Variants in MAD1L1 observed in about 807,000 individuals in gnomAD.
The protein encoded by MAD1L1 is mitotic arrest deficient 1 like 1.
Under a neutral mutation model 96.9 loss-of-function variants are expected in MAD1L1, and 95 were observed. The ratio of observed to expected loss-of-function variants is 0.98; its 90% CI spans 0.83 to 1.16. The LOEUF (loss-of-function observed/expected upper bound fraction) is 1.16, where lower values mean the gene tolerates loss of function less well. Among genes scored for constraint, MAD1L1 ranks in the 50% most tolerant of loss-of-function variants. The pLI, the probability that MAD1L1 is intolerant of heterozygous loss-of-function variation, is 0.00. For missense variants in MAD1L1, 1,007 were observed against 954.4 expected (o/e 1.06, Z -0.73); for synonymous variants, 473 against 396.6 (o/e 1.19, Z -2.29).
intron 10 of MAD1L1, among the ~76,000 whole-genome samples, chr7:2,182,626 C>T (rs1791254778): frequency 6.6e-6 from 1 of 152,162 alleles, no homozygotes; most frequent in African/African-American, 2.4e-5. Context: ...TGACCACGTG[C>T]CATGTGGTGG....
intron 18 of MAD1L1, among the ~76,000 whole-genome samples, chr7:1,868,612 C>G (rs929904654): frequency 6.6e-6 from 1 of 152,180 alleles, no homozygotes; most frequent in East Asian, 1.9e-4. Context: ...ATTTCTCCAG[C>G]GCGTCATGCG....
intron 16 of MAD1L1, 128 bp downstream of exon 16, chr7:1,957,501 G>A: frequency 4.4e-6 from 4 of 903,606 alleles, no homozygotes; most frequent in Non-Finnish European, 6.8e-6. Context: ...CACATGGGAG[G>A]GAGGAGAGTT....
chr7:2,097,791 G>A (rs1241076894), intron 11 of MAD1L1, among the ~76,000 whole-genome samples: 1 of 152,220 alleles, frequency 6.6e-6, no homozygotes, highest in Non-Finnish European at 1.5e-5. Flanking sequence ...GAGGCCTTGA[G>A]GCTGCAGAGG....
intron 17 of MAD1L1, among the ~76,000 whole-genome samples, chr7:1,922,980 T>A (rs1245936727): frequency 2.0e-5 from 3 of 152,220 alleles, no homozygotes; most frequent in African/African-American, 7.2e-5. Context: ...CCCGCAGTGT[T>A]CTTCAGTTTT....
chr7:2,093,420 G>A (rs373701550), intron 11 of MAD1L1, among the ~76,000 whole-genome samples: 2 of 152,150 alleles, frequency 1.3e-5, no homozygotes, highest in Non-Finnish European at 2.9e-5. Flanking sequence ...CATGTTCCAT[G>A]TATATAAAAA....
At chr7:1,908,949 C>A (rs1787845864) in intron 17 of MAD1L1, among the ~76,000 whole-genome samples, 1 of 152,200 alleles carries the variant, frequency 6.6e-6, no homozygotes, top group African/African-American at 2.4e-5. Flanking sequence ...CCCAGGGGGT[C>A]CTGCTGGACT....
At chr7:2,091,975 A>C (rs200645634) in intron 11 of MAD1L1, among the ~76,000 whole-genome samples, 1 of 152,334 alleles carries the variant, frequency 6.6e-6, no homozygotes, top group Non-Finnish European at 1.5e-5. Flanking sequence ...CTGTGTGGAC[A>C]CAATTTTCAA....
chr7:2,007,139 A>T (rs1782066728), intron 13 of MAD1L1, among the ~76,000 whole-genome samples: 1 of 152,162 alleles, frequency 6.6e-6, no homozygotes, highest in African/African-American at 2.4e-5. Context: ...AGGGACCTGA[A>T]CAGACGCCAC....
At chr7:1,890,649 C>G (rs1195324826) in intron 18 of MAD1L1, among the ~76,000 whole-genome samples, 1 of 152,216 alleles carries the variant, frequency 6.6e-6, no homozygotes, top group Non-Finnish European at 1.5e-5. Context: ...TCCACGGAGG[C>G]CCAGGCTGTG....
At chr7:2,132,380 C>T (rs927065135) in intron 11 of MAD1L1, among the ~76,000 whole-genome samples, 1 of 148,932 alleles carries the variant, frequency 6.7e-6, no homozygotes, top group Non-Finnish European at 1.5e-5. Flanking sequence ...CCTGTGCGAC[C>T]GCGCGTCCAC....
intron 12 of MAD1L1, among the ~76,000 whole-genome samples, chr7:2,067,684 G>A (rs1056830162): frequency 3.3e-5 from 5 of 152,230 alleles, no homozygotes; most frequent in Non-Finnish European, 5.9e-5. Context: ...GTCTCCTCCC[G>A]CTCCAGGCCT....
chr7:2,085,047 G>A (rs1785839985), intron 11 of MAD1L1, among the ~76,000 whole-genome samples: 1 of 152,162 alleles, frequency 6.6e-6, no homozygotes, highest in South Asian at 2.1e-4. Flanking sequence ...ACATCAGAGA[G>A]CCTGCTAAAG....
intron 10 of MAD1L1, among the ~76,000 whole-genome samples, chr7:2,173,089 G>A (rs1790785968): frequency 6.6e-6 from 1 of 152,230 alleles, no homozygotes; most frequent in Non-Finnish European, 1.5e-5. Flanking sequence ...GTTATGGCAA[G>A]CAGCCATCCC....
intron 11 of MAD1L1, among the ~76,000 whole-genome samples, chr7:2,096,747 C>A (rs1040443416): frequency 6.6e-6 from 1 of 152,184 alleles, no homozygotes; most frequent in Non-Finnish European, 1.5e-5. Flanking sequence ...GAGGCCCAGC[C>A]ACAGACATAA....
chr7:2,221,124 C>T (rs1584585842), intron 5 of MAD1L1: 2 of 1,104,380 alleles, frequency 1.8e-6, no homozygotes, highest in East Asian at 5.0e-5. Flanking sequence ...GCAGCACCTG[C>T]AGCGCCACCA....
At chr7:2,026,908 T>C (rs1220082601) in intron 12 of MAD1L1, among the ~76,000 whole-genome samples, 2 of 152,024 alleles carry the variant, frequency 1.3e-5, no homozygotes, top group African/African-American at 4.8e-5. Flanking sequence ...AACAAATTAA[T>C]GAAATAAAAT....
intron 1 of MAD1L1, among the ~76,000 whole-genome samples, chr7:2,232,335 C>A (rs1794236336): frequency 6.6e-6 from 1 of 152,278 alleles, no homozygotes; most frequent in South Asian, 2.1e-4. Flanking sequence ...AGCCCAATTC[C>A]TCCATTGCCC....
intron 17 of MAD1L1, among the ~76,000 whole-genome samples, chr7:1,929,412 G>T (rs890756104): frequency 6.6e-6 from 1 of 152,198 alleles, no homozygotes; most frequent in South Asian, 2.1e-4. Context: ...TGGCAGGGGG[G>T]CTGAGTGAGG....
At chr7:2,144,045 C>T (rs991259155) in intron 11 of MAD1L1, among the ~76,000 whole-genome samples, 12 of 152,348 alleles carry the variant, frequency 7.9e-5, no homozygotes, top group Admixed American at 1.3e-4. Context: ...AAAGCCGAGA[C>T]GGCAGCCACA....
Sources: allele counts gnomAD v4.1 joint callset (sites outside exome capture counted in the v4.1 genomes callset), GRCh38; gene constraint gnomAD v4.1.1; transcripts MANE v1.5; gene names NCBI Gene and HGNC (gene_info 2026-07-23, HGNC 2026-07-21).